GTF2IRD1: variants seen among roughly 807,000 people sequenced by gnomAD.
GTF2IRD1 encodes the protein general transcription factor II-I repeat domain-containing protein 1.
Under a neutral mutation model 113.2 loss-of-function variants are expected in GTF2IRD1, and 26 were observed. The ratio of observed to expected loss-of-function variants is 0.23; its 90% CI spans 0.17 to 0.32. GTF2IRD1 has a LOEUF of 0.32. Ranked by LOEUF, GTF2IRD1 falls within the 10% of genes least tolerant of loss-of-function variation. GTF2IRD1 has a pLI of 1.00. For missense variants in GTF2IRD1, 864 were observed against 1,280.8 expected, an observed-to-expected ratio of 0.67 and a Z score of 4.97; for synonymous variants, 484 against 529.1, an observed-to-expected ratio of 0.91 and a Z score of 1.17.
chr7:74,510,394 C>T (rs2130071264), intron 2 of GTF2IRD1, among the ~76,000 whole-genome samples: 1 of 151,548 alleles, frequency 6.6e-6, no homozygotes, highest in Admixed American at 6.6e-5. Flanking sequence ...GCAACCTCCG[C>T]CTCCTGGGCT....
At chr7:74,552,653 T>C (rs1461763058) in intron 17 of GTF2IRD1, among the ~76,000 whole-genome samples, 1 of 152,226 alleles carries the variant, frequency 6.6e-6, no homozygotes, top group African/African-American at 2.4e-5. Flanking sequence ...ATTTTTGTTT[T>C]TGCTTTCTAT....
At chr7:74,524,296 C>T (rs995984150) in intron 8 of GTF2IRD1, 142 bp downstream of exon 8, 6 of 611,894 alleles carry the variant, frequency 9.8e-6, no homozygotes, top group East Asian at 5.6e-5. Context: ...TGTCATCCGT[C>T]GCGGGCTCCT....
In GTF2IRD1 at chr7:74,519,665, C is replaced by G; in HGVS notation, c.862C>G (p.Arg288Gly). 2 of 1,602,982 alleles carry G rather than the reference C, an allele frequency of 1.2e-6. No homozygotes were observed. The highest frequency in any genetic ancestry group is 1.7e-5 in the Admixed American group (1 of 58,006). The change falls in exon 6 of 27, where the codon CGG becomes GGG. Residue 288 changes from arginine to glycine, a missense_variant. Physicochemically the swap from Arg to Gly is moderately radical, Grantham distance 125. This residue lies in a region of GTF2IRD1 where 195 missense variants were observed against 196.6 expected (regional missense o/e 0.99). Transcript: ENST00000424337. ...PLAPSDLGLSRPMPEPKATGA... is the reference protein window; with the variant it reads ...PLAPSDLGLSGPMPEPKATGA... ...TGCCCCCAGCGACCTGGGCCTGAGT[C>G]GGCCCATGCCAGAGCCCAAGGCCAC...
intron 22 of GTF2IRD1, among the ~76,000 whole-genome samples, chr7:74,589,269 T>C (rs1554368710): frequency 6.6e-6 from 1 of 151,840 alleles, no homozygotes; most frequent in Non-Finnish European, 1.5e-5. Flanking sequence ...GGTGGGAGGA[T>C]CACTTGAGCC....
chr7:74,598,434 C>G (rs1381659252), intron 25 of GTF2IRD1, among the ~76,000 whole-genome samples: 1 of 151,480 alleles, frequency 6.6e-6, no homozygotes, highest in African/African-American at 2.4e-5. Context: ...CATGGTGAAA[C>G]CTTGTCTCTA....
intron 6 of GTF2IRD1, among the ~76,000 whole-genome samples, chr7:74,520,200 A>G (rs1797198846): frequency 6.6e-6 from 1 of 151,232 alleles, no homozygotes; most frequent in African/African-American, 2.4e-5. Flanking sequence ...AGTCATCCTC[A>G]TGCATTCCAT....
At chr7:74,463,303 A>G (rs1398080489) in intron 1 of GTF2IRD1, among the ~76,000 whole-genome samples, 1 of 152,038 alleles carries the variant, frequency 6.6e-6, no homozygotes, top group African/African-American at 2.4e-5. Flanking sequence ...TGGTGCAATC[A>G]TAGCTTGCTG....
chr7:74,496,025 TGTGA>T (rs782458314), intron 1 of GTF2IRD1, among the ~76,000 whole-genome samples: 29 of 150,630 alleles, frequency 1.9e-4, no homozygotes, highest in South Asian at 1.0e-3. Flanking sequence ...CTAGCGTGTG[TGTGA>T]GTGAGTGTGC....
At chr7:74,459,741 T>C (rs978674169) in intron 1 of GTF2IRD1, among the ~76,000 whole-genome samples, 14 of 152,214 alleles carry the variant, frequency 9.2e-5, no homozygotes, top group African/African-American at 2.9e-4. Context: ...GATGAACTTC[T>C]AGCTAAAAGT....
At chr7:74,480,314 TC>T (rs1203277938) in intron 1 of GTF2IRD1, among the ~76,000 whole-genome samples, 25 of 152,146 alleles carry the variant, frequency 1.6e-4, no homozygotes, top group African/African-American at 6.0e-4. Flanking sequence ...CCTGTGATTG[TC>T]CCCACGTGTG....
At chr7:74,579,633 A>C (rs587740636) in intron 22 of GTF2IRD1, among the ~76,000 whole-genome samples, 11 of 152,040 alleles carry the variant, frequency 7.2e-5, no homozygotes, top group African/African-American at 1.4e-4. Flanking sequence ...AAAAAAAAAA[A>C]AAACTACAGT....
chr7:74,540,476 C>T (rs1477416836), intron 14 of GTF2IRD1, among the ~76,000 whole-genome samples: 2 of 151,600 alleles, frequency 1.3e-5, no homozygotes, highest in Non-Finnish European at 2.9e-5. Flanking sequence ...GGCCCAGCGT[C>T]CTTCCCAGGA....
intron 1 of GTF2IRD1, among the ~76,000 whole-genome samples, chr7:74,486,398 A>C (rs1795030753): frequency 6.6e-6 from 1 of 152,178 alleles, no homozygotes; most frequent in Non-Finnish European, 1.5e-5. Flanking sequence ...CCTCTGGCTG[A>C]GGGCTTTGGT....
chr7:74,466,952 CTTT>C (rs782708976), intron 1 of GTF2IRD1, among the ~76,000 whole-genome samples: 3 of 140,254 alleles, frequency 2.1e-5, no homozygotes, highest in Non-Finnish European at 3.1e-5. Flanking sequence ...CTTTTTCTTT[CTTT>C]TTTTTTTTTT....
chr7:74,537,600 C>G (rs782020956), intron 11 of GTF2IRD1, among the ~76,000 whole-genome samples: 1 of 152,144 alleles, frequency 6.6e-6, no homozygotes, highest in Non-Finnish European at 1.5e-5. Context: ...CCAACACCCC[C>G]CAAGCACATT....
At chr7:74,532,947 A>G (rs115883538) in intron 9 of GTF2IRD1, among the ~76,000 whole-genome samples, 2,227 of 152,114 alleles carry the variant, frequency 0.015, 57 homozygotes, top group African/African-American at 0.051. Context: ...CTGTACCTCC[A>G]TAATCAGCTG....
chr7:74,489,440 T>C (rs2117204895), intron 1 of GTF2IRD1, among the ~76,000 whole-genome samples: 1 of 152,144 alleles, frequency 6.6e-6, no homozygotes, highest in East Asian at 2.0e-4. Flanking sequence ...CCTCCTGGGT[T>C]CAAGCGATTC....
At chr7:74,496,307 TGGGGGTGGGGGTGTGCATGG>T (rs1795675887) in intron 1 of GTF2IRD1, among the ~76,000 whole-genome samples, 1 of 132,550 alleles carries the variant, frequency 7.5e-6, no homozygotes, top group African/African-American at 2.9e-5. Context: ...TGCATGTGTG[TGGGGGTGGGGGTGTGCATGG>T]GGGTGTGCAT....
Position 74,529,810 on chromosome 7 carries a change from C to G in GTF2IRD1, c.1167C>G (p.Ile389Met). ...CCTGTGACCCGGAGGCTGTGGAGAT[C>G]GTGGGCATCCCGGACAAGATCCCCT... Reference protein sequence around the residue: ...KIACDPEAVEIVGIPDKIPFK... With the variant: ...KIACDPEAVEMVGIPDKIPFK... Residue 389 changes from isoleucine to methionine, a missense_variant, in exon 9 of 27, where the codon ATC becomes ATG. Ile to Met is a conservative substitution (Grantham distance 10). Transcript: ENST00000424337. 6.2e-7 allele frequency: 1 copy of G among 1,613,972 alleles called. No individual in the cohort carries two copies. Among genetic ancestry groups the G allele is most frequent in the Non-Finnish European group, 8.5e-7 (1 of 1,179,888 alleles).
Sources: gnomAD v4.1 joint callset for allele counts (sites outside exome capture counted in the v4.1 genomes callset) on GRCh38, gnomAD v4.1.1 for gene constraint, gnomAD v4.1.1 regional missense constraint, MANE v1.5 for transcripts, NCBI Gene and HGNC (gene_info 2026-07-23, HGNC 2026-07-21) for gene names.